The following OCA2 variants were observed in gnomAD, a reference collection of about 807,000 sequenced individuals.
The protein encoded by OCA2 is OCA2 melanosomal transmembrane protein, also known as P protein.
OCA2 carries 77 observed loss-of-function variants against 100.2 expected under a neutral mutation model. The observed-to-expected ratio is 0.77, with a 90% CI of 0.64 to 0.93. The LOEUF is 0.93. Among genes scored for constraint, OCA2 ranks in the 40% least tolerant of loss-of-function variants. The pLI is 0.00. For missense variants in OCA2, 1,062 were observed against 1,089.1 expected (o/e 0.98, Z 0.35); for synonymous variants, 432 against 439.2 (o/e 0.98, Z 0.21).
chr15:27,760,316 T>C (rs945580686), intron 23 of OCA2, among the ~76,000 whole-genome samples: 5 of 151,720 alleles, frequency 3.3e-5, no homozygotes, highest in African/African-American at 1.2e-4. Context: ...ATGTCACTTG[T>C]TGAGAAGGAA....
intron 21 of OCA2, among the ~76,000 whole-genome samples, chr15:27,860,904 G>A (rs891244283): frequency 1.3e-5 from 2 of 152,230 alleles, no homozygotes; most frequent in Non-Finnish European, 2.9e-5. Flanking sequence ...AGTAAGCTCA[G>A]GGAGGAAGCA....
intron 23 of OCA2, among the ~76,000 whole-genome samples, chr15:27,757,084 CT>C (rs2030439852): frequency 6.6e-6 from 1 of 152,212 alleles, no homozygotes; most frequent in African/African-American, 2.4e-5. Flanking sequence ...CCCACAGTGC[CT>C]TCTGGAATTG....
intron 2 of OCA2, among the ~76,000 whole-genome samples, chr15:28,039,272 G>C (rs2043133945): frequency 6.6e-6 from 1 of 152,072 alleles, no homozygotes; most frequent in African/African-American, 2.4e-5. Flanking sequence ...CAAAACAGAA[G>C]ACTTGAACAA....
chr15:27,993,976 A>AT (rs1396804525), intron 9 of OCA2, among the ~76,000 whole-genome samples: 1 of 152,214 alleles, frequency 6.6e-6, no homozygotes, highest in Non-Finnish European at 1.5e-5. Context: ...CTAAATTTCT[A>AT]TGCTTAAGAA....
chr15:28,067,630 G>A (rs2044065841), intron 2 of OCA2, among the ~76,000 whole-genome samples: 1 of 152,172 alleles, frequency 6.6e-6, no homozygotes, highest in East Asian at 1.9e-4. Flanking sequence ...TAATTTCCAT[G>A]TATTTTTGTA....
intron 9 of OCA2, among the ~76,000 whole-genome samples, chr15:27,994,193 G>A (rs2041648446): frequency 1.3e-5 from 2 of 152,214 alleles, no homozygotes; most frequent in Admixed American, 1.3e-4. Context: ...CAGATCAGCG[G>A]CAGCATCAGA....
intron 21 of OCA2, among the ~76,000 whole-genome samples, chr15:27,865,795 G>T (rs2036297644): frequency 6.6e-6 from 1 of 152,180 alleles, no homozygotes; most frequent in Non-Finnish European, 1.5e-5. Flanking sequence ...TACATCAGCA[G>T]CAGGTGCAGA....
At chr15:27,729,983 A>C in the OCA2 span, among the ~76,000 whole-genome samples, 2 of 152,200 alleles carry the variant, frequency 1.3e-5, no homozygotes, top group Non-Finnish European at 2.9e-5. Context: ...CTCTCTGACA[A>C]CAACTAGGTG....
At chr15:27,975,757 T>C (rs1421405401) in intron 14 of OCA2, among the ~76,000 whole-genome samples, 1 of 152,228 alleles carries the variant, frequency 6.6e-6, no homozygotes, top group African/African-American at 2.4e-5. Flanking sequence ...TTTTTGTCAT[T>C]CTGGATACTC....
intron 19 of OCA2, among the ~76,000 whole-genome samples, chr15:27,921,394 A>T (rs1046886990): frequency 6.6e-6 from 1 of 152,264 alleles, no homozygotes; most frequent in Admixed American, 6.5e-5. Flanking sequence ...GCATTCACAC[A>T]TAAACAAAGA....
rs146252853 is a variant in OCA2 at position 27,822,642 on chromosome 15, A to G, written c.2432+22317T>C. Among the ~76,000 whole-genome samples, 922 of 152,302 alleles carry G rather than the reference A, an allele frequency of 6.1e-3. 15 individuals are homozygous for G. Among genetic ancestry groups the G allele is most frequent in the African/African-American group, 0.02 (837 of 41,564 alleles). On this transcript the variant is annotated intron_variant, in intron 23 of 23. Coordinates refer to ENST00000354638, the MANE Select transcript of OCA2 (RefSeq NM_000275.3). The stretch of plus-strand genomic sequence containing the variant: ...TTTTAATTTGAATTTCCCTGTAGCT[A>G]AGGAAGTTCCGCATCTTTTCATATT...
chr15:28,014,625 T>A (rs1203783624), intron 9 of OCA2, 151 bp downstream of exon 9: 1 of 848,400 alleles, frequency 1.2e-6, no homozygotes, highest in Non-Finnish European at 1.9e-6. Flanking sequence ...CCTTTCTACC[T>A]AGAGAGAGGG....
chr15:27,730,732 A>AATATATTTTTATAT, the OCA2 span, among the ~76,000 whole-genome samples: 17 of 102,008 alleles, frequency 1.7e-4, no homozygotes, highest in African/African-American at 5.6e-4. Flanking sequence ...AAAAAGACCA[A>AATATATTTTTATAT]ATATATATAT....
intron 23 of OCA2, among the ~76,000 whole-genome samples, chr15:27,815,420 C>G (rs925668437): frequency 1.3e-5 from 2 of 152,150 alleles, no homozygotes; most frequent in Non-Finnish European, 2.9e-5. Flanking sequence ...CTGTTTTTTA[C>G]CCACCAAACT....
At chr15:28,024,959 TCAGA>T in intron 4 of OCA2, 57 bp from the exon 5 acceptor site, 3 of 1,534,060 alleles carry the variant, frequency 2.0e-6, no homozygotes, top group Non-Finnish European at 2.7e-6. Flanking sequence ...TTGCCCAGAC[TCAGA>T]CACTTTTCTG....
At position 27,957,355 on chromosome 15, in the gene OCA2, C is replaced by T. The variant is rs1019688519; in HGVS notation, c.1784+233G>A. On this transcript the variant is annotated intron_variant, in intron 16 of 23. Transcript: ENST00000354638. This position sits in a 1 kb window ranked among gnomAD's most constrained non-coding sequence, Gnocchi z 4.3. ...CCGAGCTGCACAACCCTGGGCACGC[C>T]GCTCAAATTCTCTGAGCCTCTGGTT... Among the ~76,000 whole-genome samples, 2 of 152,162 alleles carry T rather than the reference C, an allele frequency of 1.3e-5. No individual in the cohort carries two copies. Among genetic ancestry groups the T allele is most frequent in the African/African-American group, 4.8e-5 (2 of 41,422 alleles).
chr15:27,970,985 G>A lies in OCA2; in HGVS notation c.1504-4163C>T, dbSNP rs180877231. On this transcript the variant is annotated intron_variant, in intron 14 of 23. Transcript: ENST00000354638. ...AACTCCCCAGCAAGCACGGCATGGTGGGAAAACGTGAAAAATGCCCCAGCA... is the reference window on the plus strand; with the variant it reads ...AACTCCCCAGCAAGCACGGCATGGTAGGAAAACGTGAAAAATGCCCCAGCA... Among the ~76,000 whole-genome samples the A allele has an allele frequency of 6.3e-3, 956 of 151,922 alleles. 4 individuals are homozygous for A. Among genetic ancestry groups the A allele is most frequent in the Non-Finnish European group, 9.6e-3 (651 of 67,962 alleles).
chr15:27,945,858 T>C (rs577005489), intron 18 of OCA2, among the ~76,000 whole-genome samples: 1 of 152,218 alleles, frequency 6.6e-6, no homozygotes, highest in Non-Finnish European at 1.5e-5. Flanking sequence ...AGGCTCTGAA[T>C]TTTAAGGCCA....
At chr15:27,901,848 C>G (rs1438647347) in intron 19 of OCA2, among the ~76,000 whole-genome samples, 1 of 152,192 alleles carries the variant, frequency 6.6e-6, no homozygotes, top group Non-Finnish European at 1.5e-5. Flanking sequence ...TAGGGCCCTG[C>G]TCACCTGGAG....
Sources: gnomAD v4.1 joint callset for allele counts (sites outside exome capture counted in the v4.1 genomes callset) on GRCh38, gnomAD v4.1.1 for gene constraint, Gnocchi (gnomAD v3.1) non-coding constraint, MANE v1.5 for transcripts, NCBI Gene and HGNC (gene_info 2026-07-23, HGNC 2026-07-21) for gene names.